The following OPA1 variants were observed in gnomAD, a reference collection of about 807,000 sequenced individuals.
OPA1 encodes OPA1 mitochondrial dynamin like GTPase.
A neutral mutation model predicts 152.9 loss-of-function variants in OPA1; 59 were observed. The ratio of observed to expected loss-of-function variants is 0.39; its 90% CI spans 0.31 to 0.48. The LOEUF is 0.48. Ranked by LOEUF, OPA1 falls within the 20% of genes least tolerant of loss-of-function variation. OPA1 has a pLI of 0.96. For missense variants in OPA1, 1,008 were observed against 1,216.8 expected, an observed-to-expected ratio of 0.83 and a Z score of 2.55; for synonymous variants, 400 against 389.9, an observed-to-expected ratio of 1.03 and a Z score of -0.31.
At chr3:193,662,674 G>GTTCTTTCTTGTGT in intron 25 of OPA1, 148 bp from the exon 26 acceptor site, 1 of 703,162 alleles carries the variant, frequency 1.4e-6, no homozygotes, top group Non-Finnish European at 2.4e-6. Context: ...GGGGTGCTGT[G>GTTCTTTCTTGTGT]TTCTTTCTTG....
At chr3:193,633,923 TTATAG>T (rs1440279175) in intron 8 of OPA1, among the ~76,000 whole-genome samples, 7 of 152,178 alleles carry the variant, frequency 4.6e-5, no homozygotes, top group Non-Finnish European at 1.0e-4. Flanking sequence ...AAAAATATGT[TTATAG>T]TAGAGTCTAG....
intron 19 of OPA1, among the ~76,000 whole-genome samples, chr3:193,647,580 G>A (rs965261115): frequency 6.6e-6 from 1 of 152,146 alleles, no homozygotes; most frequent in African/African-American, 2.4e-5. Context: ...GTCTTTTATC[G>A]GAAGAGAATA....
intron 3 of OPA1, 56 bp downstream of exon 3, chr3:193,615,826 A>C (rs890241096): frequency 3.1e-6 from 3 of 968,362 alleles, no homozygotes; most frequent in Admixed American, 3.4e-5. Flanking sequence ...AAAGAGAAAT[A>C]GTTTATTGAG....
intron 29 of OPA1, among the ~76,000 whole-genome samples, chr3:193,687,706 T>G (rs917882828): frequency 1.3e-5 from 2 of 152,248 alleles, no homozygotes; most frequent in Non-Finnish European, 2.9e-5. Flanking sequence ...AACTTGGTTT[T>G]CTGGGCAGCC....
intron 15 of OPA1, 43 bp from the exon 16 acceptor site, chr3:193,643,932 T>TTAAGATGTA: frequency 6.2e-7 from 1 of 1,604,592 alleles, no homozygotes. Flanking sequence ...AAGTCTACTT[T>TTAAGATGTA]ACATCTTAAA....
At chr3:193,644,982 T>A (rs1434678362) in intron 16 of OPA1, among the ~76,000 whole-genome samples, 3 of 151,988 alleles carry the variant, frequency 2.0e-5, no homozygotes, top group Non-Finnish European at 4.4e-5. Context: ...TGCATTTTTC[T>A]GGGTACATAG....
intron 23 of OPA1, among the ~76,000 whole-genome samples, chr3:193,657,753 C>G (rs1288564764): frequency 6.6e-6 from 1 of 152,268 alleles, no homozygotes; most frequent in East Asian, 1.9e-4. Context: ...ATTCAAGCCC[C>G]TCTCTAATGG....
chr3:193,602,532 T>A (rs768104583), intron 1 of OPA1, among the ~76,000 whole-genome samples: 1 of 152,194 alleles, frequency 6.6e-6, no homozygotes, highest in Non-Finnish European at 1.5e-5. Context: ...GAGATGCTAT[T>A]ATTAGGGACA....
intron 11 of OPA1, among the ~76,000 whole-genome samples, chr3:193,638,875 A>T (rs1210457233): frequency 6.6e-6 from 1 of 152,242 alleles, no homozygotes; most frequent in Non-Finnish European, 1.5e-5. Context: ...TAATCATAAA[A>T]GTGAAGATAT....
chr3:193,612,169 T>C (rs975091724), intron 1 of OPA1, among the ~76,000 whole-genome samples: 4 of 151,926 alleles, frequency 2.6e-5, no homozygotes, highest in African/African-American at 2.4e-5. Context: ...TCCTTCACAA[T>C]GGGGCTAAGC....
At chr3:193,630,928 T>C (rs1731980058) in intron 7 of OPA1, among the ~76,000 whole-genome samples, 1 of 152,222 alleles carries the variant, frequency 6.6e-6, no homozygotes, top group Non-Finnish European at 1.5e-5. Flanking sequence ...CTGTGAGTTT[T>C]ATTTTTGTTT....
intron 9 of OPA1, among the ~76,000 whole-genome samples, chr3:193,636,532 CT>C (rs1482068098): frequency 1.3e-5 from 2 of 151,636 alleles, no homozygotes; most frequent in Non-Finnish European, 2.9e-5. Flanking sequence ...GATGGTACCC[CT>C]TTTTTTCAGG....
At chr3:193,618,253 C>T (rs758337782) in intron 5 of OPA1, among the ~76,000 whole-genome samples, 24 of 151,854 alleles carry the variant, frequency 1.6e-4, no homozygotes, top group Non-Finnish European at 2.2e-4. Context: ...CCAAGGCAGG[C>T]GGATCATGAG....
chr3:193,643,760 A>G (rs976999693), intron 15 of OPA1, 133 bp downstream of exon 15: 1 of 925,068 alleles, frequency 1.1e-6, no homozygotes. Context: ...TATTCATTTT[A>G]TTAGTAAATT....
intron 6 of OPA1, among the ~76,000 whole-genome samples, chr3:193,623,979 A>G (rs1730611268): frequency 6.6e-6 from 1 of 152,170 alleles, no homozygotes; most frequent in Non-Finnish European, 1.5e-5. Flanking sequence ...ATTTCAGTTC[A>G]TTTCAACTAT....
chr3:193,629,271 A>T (rs1324466561), intron 7 of OPA1, among the ~76,000 whole-genome samples: 1 of 152,222 alleles, frequency 6.6e-6, no homozygotes, highest in East Asian at 1.9e-4. Context: ...CTAAGCGGAG[A>T]GGAAACATGC....
At chr3:193,629,889 TC>T (rs1731804589) in intron 7 of OPA1, among the ~76,000 whole-genome samples, 1 of 152,172 alleles carries the variant, frequency 6.6e-6, no homozygotes, top group African/African-American at 2.4e-5. Flanking sequence ...TTGCATGAAG[TC>T]AGTTAGTATT....
In OPA1 at chr3:193,658,870, C is replaced by T. The variant is rs951202131; in HGVS notation, c.2332-17C>T. The T allele has an allele frequency of 1.3e-6, 2 of 1,591,518 alleles. No individual in the cohort carries two copies. Among genetic ancestry groups the T allele is most frequent in the African/African-American group, 1.3e-5 (1 of 74,376 alleles). On this transcript the variant is annotated splice_polypyrimidine_tract_variant and intron_variant, in intron 23 of 30. Coordinates refer to ENST00000361510, the MANE Select transcript of OPA1 (RefSeq NM_130837.3). ...GATGTAAAACAAGTTGGCTTTTTCT[C>T]TTCTTGTTATTTTCAGAGGGTTATT...
chr3:193,601,044 T>C (rs552493219), intron 1 of OPA1, among the ~76,000 whole-genome samples: 13 of 152,292 alleles, frequency 8.5e-5, no homozygotes, highest in Admixed American at 2.6e-4. Context: ...GACTGCATGA[T>C]CTTCCATTAA....
Sources: gnomAD v4.1 joint callset for allele counts (sites outside exome capture counted in the v4.1 genomes callset) on GRCh38, gnomAD v4.1.1 for gene constraint, MANE v1.5 for transcripts, NCBI Gene and HGNC (gene_info 2026-07-23, HGNC 2026-07-21) for gene names.